The following MPHOSPH6 variants were observed in gnomAD, a reference collection of about 807,000 sequenced individuals.
MPHOSPH6 encodes the protein M-phase phosphoprotein 6.
MPHOSPH6 carries 25 observed loss-of-function variants against 21.8 expected under a neutral mutation model. The observed-to-expected ratio is 1.15, with a 90% confidence interval of 0.83 to 1.60. The LOEUF is 1.60. Ranked by LOEUF, MPHOSPH6 falls within the 40% of genes most tolerant of loss-of-function variation. The pLI is 0.00. For missense variants in MPHOSPH6, 269 were observed against 181.8 expected, an observed-to-expected ratio of 1.48 and a Z score of -2.76; for synonymous variants, 84 against 56.5, an observed-to-expected ratio of 1.49 and a Z score of -2.18.
At position 82,169,797 on chromosome 16, in the gene MPHOSPH6, G is replaced by A. The variant is rs568200645; in HGVS notation, c.51+328C>T. 4.6e-5 allele frequency among the ~76,000 whole-genome samples: 7 copies of A among 152,290 alleles called. No individual in the cohort carries two copies. The South Asian group carries it at 1.5e-3, about 32-fold the overall frequency. On this transcript the variant is annotated intron_variant, in intron 1 of 4. Transcript: ENST00000258169. ...TATATCATATTTATTGCATATATAAGTAAGCAACAACTTCTCGAGAAGCTC... is the reference window on the plus strand; with the variant it reads ...TATATCATATTTATTGCATATATAAATAAGCAACAACTTCTCGAGAAGCTC...
At chr16:82,166,076 G>A (rs1906769405) in intron 1 of MPHOSPH6, among the ~76,000 whole-genome samples, 1 of 152,208 alleles carries the variant, frequency 6.6e-6, no homozygotes, top group African/African-American at 2.4e-5. Context: ...GTAAAATGGT[G>A]AAATCTGCGT....
chr16:82,152,709 T>C (rs190519866), intron 2 of MPHOSPH6, among the ~76,000 whole-genome samples: 27 of 152,252 alleles, frequency 1.8e-4, no homozygotes, highest in African/African-American at 6.0e-4. Context: ...TTGGGGCAGG[T>C]TGCGTTCCCT....
chr16:82,149,575 C>T (rs1906197350), intron 3 of MPHOSPH6, among the ~76,000 whole-genome samples, 172 bp from the exon 4 acceptor site: 4 of 152,150 alleles, frequency 2.6e-5, no homozygotes, highest in South Asian at 2.1e-4. Context: ...GAGAAGTAAG[C>T]TCTGAGTCAA....
At chr16:82,167,350 A>T (rs1338555590) in intron 1 of MPHOSPH6, among the ~76,000 whole-genome samples, 2 of 152,176 alleles carry the variant, frequency 1.3e-5, no homozygotes, top group African/African-American at 4.8e-5. Flanking sequence ...CAACCCTCTT[A>T]TACTTGCCTA....
rs761189802 is a variant in MPHOSPH6 at position 82,149,300 on chromosome 16, C to T, written c.350+9G>A. On this transcript the variant is annotated intron_variant, in intron 4 of 4. Coordinates refer to ENST00000258169, the MANE Select transcript of MPHOSPH6 (RefSeq NM_005792.2). ...TCCAGATTAGAAGGCTGCTGCGCAG[C>T]ACGGTTACCTTCTAGCCATCTCTTC... 6.2e-7 allele frequency: 1 copy of T among 1,612,574 alleles called. No individual in the cohort carries two copies. Among genetic ancestry groups the T allele is most frequent in the Non-Finnish European group, 8.5e-7 (1 of 1,179,660 alleles).
intron 2 of MPHOSPH6, 57 bp from the exon 3 acceptor site, chr16:82,151,571 C>T: frequency 6.7e-7 from 1 of 1,493,824 alleles, no homozygotes; most frequent in South Asian, 1.4e-5. Flanking sequence ...CAAACAAAAG[C>T]CAACACTTTG....
chr16:82,159,342 A>T (rs1300289054), intron 2 of MPHOSPH6, among the ~76,000 whole-genome samples: 3 of 152,226 alleles, frequency 2.0e-5, no homozygotes, highest in Admixed American at 2.0e-4. Context: ...AATAATTTTT[A>T]AAATTTCTTA....
chr16:82,158,730 C>G (rs137856804), intron 2 of MPHOSPH6, among the ~76,000 whole-genome samples: 2 of 152,268 alleles, frequency 1.3e-5, no homozygotes, highest in African/African-American at 4.8e-5. Context: ...AAAATTCAAG[C>G]TTTCAAGCAA....
chr16:82,165,092 C>G (rs937927244), intron 1 of MPHOSPH6, among the ~76,000 whole-genome samples: 1 of 147,920 alleles, frequency 6.8e-6, no homozygotes, highest in South Asian at 2.1e-4. Context: ...CCATTTCTTT[C>G]CCTTATTCAG....
At chr16:82,164,255 C>A in intron 1 of MPHOSPH6, 61 bp from the exon 2 acceptor site, 1 of 1,089,856 alleles carries the variant, frequency 9.2e-7, no homozygotes, top group Non-Finnish European at 1.3e-6. Flanking sequence ...GAGGAAACCC[C>A]AAATAATTTT....
chr16:82,168,567 C>T (rs1906867643), intron 1 of MPHOSPH6, among the ~76,000 whole-genome samples: 1 of 151,332 alleles, frequency 6.6e-6, no homozygotes, highest in Admixed American at 6.6e-5. Context: ...ATCTCCCAAG[C>T]TCAAGTGATC....
At chr16:82,163,418 C>A (rs1906666356) in intron 2 of MPHOSPH6, among the ~76,000 whole-genome samples, 2 of 152,188 alleles carry the variant, frequency 1.3e-5, no homozygotes, top group Non-Finnish European at 2.9e-5. Context: ...ACCAGCCAAG[C>A]TTAGGGGTGG....
intron 3 of MPHOSPH6, among the ~76,000 whole-genome samples, chr16:82,149,906 C>A (rs1343902837): frequency 1.1e-5 from 1 of 94,590 alleles, no homozygotes; most frequent in Non-Finnish European, 2.6e-5. Context: ...CAGCCTTACC[C>A]TCCTAAACTT....
intron 2 of MPHOSPH6, among the ~76,000 whole-genome samples, chr16:82,155,171 G>A (rs573009248): frequency 8.5e-5 from 13 of 152,212 alleles, no homozygotes; most frequent in African/African-American, 9.6e-5. Context: ...AGCAAACTAC[G>A]AAAATAAAGG....
chr16:82,162,142 G>A (rs764684503), intron 2 of MPHOSPH6: 2 of 152,112 alleles, frequency 1.3e-5, no homozygotes, highest in African/African-American at 4.8e-5. Flanking sequence ...TCTACTTCTC[G>A]GAATGTACTG....
At position 82,148,490 on chromosome 16, in the gene MPHOSPH6, C is replaced by T; in HGVS notation, c.*241G>A. ...TAAAAAAAATCTTTAGGAAGCAGCC[C>T]TGTAACAATGTACATTTGTAGATCA... On this transcript the variant is annotated 3_prime_UTR_variant, in exon 5 of 5. Transcript: ENST00000258169. 2.5e-6 allele frequency: 1 copy of T among 407,470 alleles called. No individual in the cohort carries two copies. Among genetic ancestry groups the T allele is most frequent in the Non-Finnish European group, 4.2e-6 (1 of 237,382 alleles). 25.2% of individuals were successfully genotyped at this position (407,470 alleles called of 1,614,324 possible). A position where few individuals can be genotyped will look rare whatever the true frequency, so the allele number is the denominator to read the frequency against.
intron 4 of MPHOSPH6, 28 bp downstream of exon 4, chr16:82,149,281 T>C (rs746923210): frequency 1.2e-6 from 2 of 1,606,894 alleles, no homozygotes; most frequent in South Asian, 2.2e-5. Flanking sequence ...TAGGTCCAGA[T>C]TAGAAGGCTG....
chr16:82,163,186 C>T (rs964226777), intron 2 of MPHOSPH6, among the ~76,000 whole-genome samples: 1 of 152,186 alleles, frequency 6.6e-6, no homozygotes, highest in Non-Finnish European at 1.5e-5. Context: ...CAAATCAAAG[C>T]CCAAACATCA....
chr16:82,164,960 A>C (rs1363769646), intron 1 of MPHOSPH6: 2 of 152,140 alleles, frequency 1.3e-5, no homozygotes, highest in African/African-American at 4.8e-5. Flanking sequence ...ACAAGTGAAC[A>C]AACTTAAGAG....
Sources: allele counts gnomAD v4.1 joint callset (sites outside exome capture counted in the v4.1 genomes callset), GRCh38; gene constraint gnomAD v4.1.1; transcripts MANE v1.5; gene names NCBI Gene and HGNC (gene_info 2026-07-23, HGNC 2026-07-21).